The following DSCAM variants were observed in gnomAD, a reference collection of about 807,000 sequenced individuals.
The protein encoded by DSCAM is cell adhesion molecule DSCAM.
DSCAM carries 47 observed loss-of-function variants against 217.7 expected under a neutral mutation model. That is an observed-to-expected ratio of 0.22 (90% CI 0.17 to 0.28). The LOEUF (loss-of-function observed/expected upper bound fraction) is 0.28, where lower values mean the gene tolerates loss of function less well. DSCAM is among the 10% of genes least tolerant of loss of function. The pLI, the probability that DSCAM is intolerant of heterozygous loss-of-function variation, is 1.00. For missense variants in DSCAM, 2,080 were observed against 2,618.3 expected, an observed-to-expected ratio of 0.79 and a Z score of 4.49; for synonymous variants, 1,056 against 1,015.3, an observed-to-expected ratio of 1.04 and a Z score of -0.76.
At chr21:40,514,026 C>A (rs1212648448) in intron 3 of DSCAM, among the ~76,000 whole-genome samples, 1 of 152,128 alleles carries the variant, frequency 6.6e-6, no homozygotes, top group Non-Finnish European at 1.5e-5. Context: ...ATACAGAATT[C>A]ATAAGGAACC....
At position 40,256,422 on chromosome 21, in the gene DSCAM, GAC is replaced by G. The variant is rs1406078623; in HGVS notation, c.2356+19673_2356+19674del. On this transcript the variant is annotated intron_variant, in intron 11 of 32. Transcript: ENST00000400454. ...AGACAGACAGAGAGAGAGAGAGAGA[GAC>G]AGAGAGAGAGAGAGACACACACAGA... Among the ~76,000 whole-genome samples the G allele has an allele frequency of 4.4e-3, 668 of 151,118 alleles. 8 individuals carry two copies. Among genetic ancestry groups the G allele is most frequent in the African/African-American group, 0.015 (613 of 40,802 alleles).
At chr21:40,364,648 T>C (rs2074809147) in intron 4 of DSCAM, among the ~76,000 whole-genome samples, 1 of 150,742 alleles carries the variant, frequency 6.6e-6, no homozygotes, top group Non-Finnish European at 1.5e-5. Context: ...CTGTACGTTA[T>C]GCACGTGTAC....
At chr21:40,472,736 T>C (rs2075899241) in intron 3 of DSCAM, among the ~76,000 whole-genome samples, 1 of 148,832 alleles carries the variant, frequency 6.7e-6, no homozygotes, top group Admixed American at 6.6e-5. Context: ...AAATGTAAAG[T>C]TTTTTTAAAA....
At chr21:40,431,832 A>G (rs1252487768) in intron 3 of DSCAM, among the ~76,000 whole-genome samples, 3 of 152,190 alleles carry the variant, frequency 2.0e-5, no homozygotes, top group African/African-American at 7.2e-5. Context: ...CAACCGTACT[A>G]GTTTCTTGTG....
intron 27 of DSCAM, among the ~76,000 whole-genome samples, chr21:40,068,821 C>T (rs752114592): frequency 6.6e-6 from 1 of 152,172 alleles, no homozygotes; most frequent in Non-Finnish European, 1.5e-5. Flanking sequence ...CGCAGTGGCT[C>T]ATGCCTATAA....
intron 6 of DSCAM, among the ~76,000 whole-genome samples, chr21:40,342,648 A>ATATATATTT (rs61637421): frequency 1.2e-4 from 10 of 80,316 alleles, no homozygotes; most frequent in South Asian, 5.2e-4. Flanking sequence ...ATATATATAT[A>ATATATATTT]TTTTTTTTTT....
chr21:40,687,720 C>T (rs1042074574), intron 3 of DSCAM, among the ~76,000 whole-genome samples: 6 of 152,302 alleles, frequency 3.9e-5, no homozygotes, highest in Non-Finnish European at 5.9e-5. Flanking sequence ...TTTCTGAAAC[C>T]TTCTCTACTT....
chr21:40,395,960 T>A lies in DSCAM; in HGVS notation c.509-26715A>T, dbSNP rs539985407. 3.3e-5 allele frequency among the ~76,000 whole-genome samples: 5 copies of A among 152,256 alleles called. No homozygotes were observed. The East Asian group carries it at 5.8e-4, about 18-fold the overall frequency. On this transcript the variant is annotated intron_variant, in intron 3 of 32. Coordinates refer to ENST00000400454, the MANE Select transcript of DSCAM (RefSeq NM_001389.5). The stretch of plus-strand genomic sequence containing the variant: ...TTCGGAATGTCAAATCTGATTACAG[T>A]GTTCTCCTGCAGCCTCTTCCAAGCC...
chr21:40,638,526 T>C (rs980794150), intron 3 of DSCAM, among the ~76,000 whole-genome samples: 1 of 152,162 alleles, frequency 6.6e-6, no homozygotes, highest in Non-Finnish European at 1.5e-5. Context: ...GTTTATAAAA[T>C]TTAAATATAA....
chr21:40,748,301 C>T (rs973441162), intron 1 of DSCAM, among the ~76,000 whole-genome samples: 8 of 150,968 alleles, frequency 5.3e-5, no homozygotes, highest in South Asian at 2.1e-4. Flanking sequence ...ACAATATCAT[C>T]ATAATTAGAT....
chr21:40,676,339 C>A (rs1233914214), intron 3 of DSCAM, among the ~76,000 whole-genome samples: 5 of 152,168 alleles, frequency 3.3e-5, no homozygotes. Flanking sequence ...AGTCATGCAT[C>A]AGGCCTCGCG....
chr21:40,482,197 T>C (rs558215609), intron 3 of DSCAM, among the ~76,000 whole-genome samples: 1 of 152,358 alleles, frequency 6.6e-6, no homozygotes, highest in South Asian at 2.1e-4. Flanking sequence ...ATTCACATAA[T>C]TGCATTTCTT....
chr21:40,116,708 A>AG (rs1478184680), intron 20 of DSCAM, among the ~76,000 whole-genome samples: 3 of 151,734 alleles, frequency 2.0e-5, no homozygotes, highest in East Asian at 1.9e-4. Context: ...AAAAAAAAAA[A>AG]AGAGAGAGAT....
At chr21:40,807,532 C>A (rs1161332860) in intron 1 of DSCAM, among the ~76,000 whole-genome samples, 4 of 152,188 alleles carry the variant, frequency 2.6e-5, no homozygotes, top group Non-Finnish European at 5.9e-5. Flanking sequence ...TCTATGCACT[C>A]CCTAGACCTG....
At position 40,133,865 on chromosome 21, in the gene DSCAM, G is replaced by C. The variant is rs961228091; in HGVS notation, c.3551C>G (p.Thr1184Ser). 36 of 1,607,250 alleles carry C rather than the reference G, an allele frequency of 2.2e-5. No individual in the cohort carries two copies. The highest frequency in any genetic ancestry group is 2.8e-5 in the Non-Finnish European group (33 of 1,177,008). Residue 1184 changes from threonine to serine, a missense_variant, in exon 19 of 33, where the codon ACC (threonine) becomes AGC (serine). Transcript: ENST00000400454. The part of the protein sequence containing the change: ...GVRSEQIFTR[T>S]KEDVPGPPAG... ...CACCCGTCTCTCACCATCCTCTTTG[G>C]TCCGGGTGAAGATCTGCTCACTCCT...
intron 1 of DSCAM, among the ~76,000 whole-genome samples, chr21:40,813,708 C>T (rs1186956002): frequency 1.0e-4 from 15 of 146,394 alleles, no homozygotes; most frequent in Admixed American, 4.8e-4. Flanking sequence ...AGTGCAGTGG[C>T]GCAATCTCAG....
intron 10 of DSCAM, among the ~76,000 whole-genome samples, chr21:40,292,182 T>C (rs922879407): frequency 7.5e-5 from 10 of 132,622 alleles, no homozygotes; most frequent in Non-Finnish European, 1.2e-4. Context: ...AAAAATGTAA[T>C]GACTTTTTTT....
At chr21:40,381,258 T>C (rs887484167) in intron 3 of DSCAM, among the ~76,000 whole-genome samples, 18 of 151,952 alleles carry the variant, frequency 1.2e-4, no homozygotes, top group Non-Finnish European at 8.8e-5. Context: ...TGACTTATTT[T>C]GGACTTTGGG....
chr21:40,061,534 A>G (rs1205857036), intron 28 of DSCAM, among the ~76,000 whole-genome samples: 1 of 149,370 alleles, frequency 6.7e-6, no homozygotes, highest in African/African-American at 2.5e-5. Flanking sequence ...GCACCATTGC[A>G]CTCCAGCCTG....
Sources: gnomAD v4.1 joint callset for allele counts (sites outside exome capture counted in the v4.1 genomes callset) on GRCh38, gnomAD v4.1.1 for gene constraint, MANE v1.5 for transcripts, NCBI Gene and HGNC (gene_info 2026-07-23, HGNC 2026-07-21) for gene names.